The following TRIOBP variants were observed in gnomAD, a reference collection of about 807,000 sequenced individuals.
The protein encoded by TRIOBP is TRIO and F-actin-binding protein.
Under a neutral mutation model 238.8 loss-of-function variants are expected in TRIOBP, and 169 were observed. That is an observed-to-expected ratio of 0.71 (90% confidence interval 0.62 to 0.80). TRIOBP has a LOEUF of 0.80. Ranked by LOEUF, TRIOBP falls within the 30% of genes least tolerant of loss-of-function variation. The pLI is 0.00. For synonymous variants in TRIOBP, 1,150 were observed against 1,274.4 expected, an observed-to-expected ratio of 0.90 and a Z score of 2.08; for missense variants, 2,838 against 3,122.6, an observed-to-expected ratio of 0.91 and a Z score of 2.17.
intron 3 of TRIOBP, among the ~76,000 whole-genome samples, chr22:37,704,775 C>G (rs1220470137): frequency 6.6e-6 from 1 of 151,730 alleles, no homozygotes; most frequent in Non-Finnish European, 1.5e-5. Flanking sequence ...CAGCCTGGCA[C>G]GGCAGCTCAC....
chr22:37,765,279 C>G (rs1926426319), intron 17 of TRIOBP, among the ~76,000 whole-genome samples: 1 of 149,332 alleles, frequency 6.7e-6, no homozygotes, highest in South Asian at 2.1e-4. Flanking sequence ...AACTCTGTCT[C>G]AAAAACAAAA....
In TRIOBP at chr22:37,773,975, TACACACGGATAC is replaced by T. The variant is rs1352917409; in HGVS notation, c.*202_*213del. The stretch of plus-strand genomic sequence containing the variant: ...ACATACGCACACACGTGCACACATG[TACACACGGATAC>T]ACACACACACACACACACTGCATAT... On this transcript the variant is annotated 3_prime_UTR_variant, in exon 24 of 24. Transcript: ENST00000644935. The T allele has an allele frequency of 1.2e-4, 5 of 41,096 alleles. No homozygotes were observed. The allele number at this position is 41,096 out of a possible 1,614,324, so 2.5% of individuals were successfully genotyped here. A position where few individuals can be genotyped will look rare whatever the true frequency, so the allele number is the denominator to read the frequency against.
intron 16 of TRIOBP, among the ~76,000 whole-genome samples, 178 bp downstream of exon 16, chr22:37,758,316 A>C (rs1300457142): frequency 6.6e-6 from 1 of 152,176 alleles, no homozygotes; most frequent in East Asian, 1.9e-4. Flanking sequence ...AGACCTTAGT[A>C]GTTTGGTTTG....
chr22:37,749,770 G>A (rs1925481699), intron 11 of TRIOBP, among the ~76,000 whole-genome samples: 1 of 124,274 alleles, frequency 8.0e-6, no homozygotes. Flanking sequence ...AACATAGGGA[G>A]ACCCCATCTC....
chr22:37,703,438 C>T (rs1922763274), intron 3 of TRIOBP, among the ~76,000 whole-genome samples: 2 of 151,992 alleles, frequency 1.3e-5, no homozygotes, highest in Non-Finnish European at 2.9e-5. Context: ...ACTCACGAAC[C>T]TCCGAGGGCC....
intron 18 of TRIOBP, among the ~76,000 whole-genome samples, chr22:37,767,744 T>G (rs1926573611): frequency 6.6e-6 from 1 of 151,970 alleles, no homozygotes; most frequent in African/African-American, 2.4e-5. Context: ...TACCTGGAAA[T>G]CACTAGAACA....
At chr22:37,764,279 CCTACCTTTT>C (rs1926380262) in intron 17 of TRIOBP, among the ~76,000 whole-genome samples, 1 of 152,206 alleles carries the variant, frequency 6.6e-6, no homozygotes, top group South Asian at 2.1e-4. Flanking sequence ...CAATATCCTC[CCTACCTTTT>C]CTGTGTTTTC....
At chr22:37,728,918 C>CA (rs1569043969) in intron 7 of TRIOBP, among the ~76,000 whole-genome samples, 1 of 149,864 alleles carries the variant, frequency 6.7e-6, no homozygotes, top group East Asian at 1.9e-4. Context: ...GTGTCTTTAA[C>CA]TTTTTTTTTT....
Position 37,758,493 on chromosome 22 carries a change from G to A in TRIOBP, c.6213+355G>A, listed in dbSNP as rs114752428. ...AGTTTGAGACCAGTCTGTGCGACAT[G>A]GCAAAACCCCATGTCTACAAAAAAA... On this transcript the variant is annotated intron_variant, in intron 16 of 23. Transcript: ENST00000644935. Among the ~76,000 whole-genome samples, 427 of 152,220 alleles carry A rather than the reference G, an allele frequency of 2.8e-3. 4 individuals are homozygous for A. The highest frequency in any genetic ancestry group is 1.0e-2 in the African/African-American group (414 of 41,532).
intron 2 of TRIOBP, among the ~76,000 whole-genome samples, chr22:37,698,497 G>T (rs915430415): frequency 6.6e-6 from 1 of 150,502 alleles, no homozygotes; most frequent in African/African-American, 2.4e-5. Context: ...GGGATTACAG[G>T]CATGCGCACC....
At position 37,771,695 on chromosome 22, in the gene TRIOBP, G is replaced by A. The variant is rs1351316581; in HGVS notation, c.6895G>A (p.Glu2299Lys). 6.2e-7 allele frequency: 1 copy of A among 1,614,164 alleles called. No individual in the cohort carries two copies. The highest frequency in any genetic ancestry group is 2.2e-5 in the East Asian group (1 of 44,868). The part of the protein sequence containing the change: ...KENELQYLKK[E>K]VQCLRDELQM... ...AAACGAACTCCAGTACCTAAAGAAGGAGGTGCAGTGCCTCCGGGACGAGCT... is the reference window on the plus strand; with the variant it reads ...AAACGAACTCCAGTACCTAAAGAAGAAGGTGCAGTGCCTCCGGGACGAGCT... The change falls in exon 22 of 24, where the codon GAG (glutamate) becomes AAG (lysine). Residue 2299 changes from glutamate (E) to lysine (K), a missense_variant. Around this residue, in one of 5 missense-constraint regions of TRIOBP, gnomAD observed 2,096 missense variants for 2,137.4 expected, o/e 0.98. Transcript: ENST00000644935.
chr22:37,726,550 G>A (rs1033238190), intron 7 of TRIOBP, 47 bp downstream of exon 7: 22 of 1,426,590 alleles, frequency 1.5e-5, no homozygotes, highest in Non-Finnish European at 1.8e-5. Context: ...GAGGAGGCTC[G>A]GCAGCAGGAC....
At chr22:37,765,176 G>A (rs539464817) in intron 17 of TRIOBP, among the ~76,000 whole-genome samples, 8 of 152,270 alleles carry the variant, frequency 5.3e-5, no homozygotes, top group African/African-American at 1.2e-4. Flanking sequence ...AGCTACTCAC[G>A]AGGCTGAGGC....
chr22:37,746,271 G>T (rs2145855094), intron 11 of TRIOBP: 1 of 1,088,046 alleles, frequency 9.2e-7, no homozygotes, highest in Non-Finnish European at 1.1e-6. Flanking sequence ...GCAGCGTCGG[G>T]GAAAGGAAGG....
intron 10 of TRIOBP, among the ~76,000 whole-genome samples, chr22:37,740,002 T>TA (rs1206228729): frequency 6.6e-6 from 1 of 152,168 alleles, no homozygotes; most frequent in Non-Finnish European, 1.5e-5. Flanking sequence ...GTGAGCACCT[T>TA]CTGTATACCC....
intron 12 of TRIOBP, among the ~76,000 whole-genome samples, chr22:37,754,038 C>G (rs888426588): frequency 3.9e-5 from 6 of 152,158 alleles, no homozygotes; most frequent in Non-Finnish European, 7.3e-5. Flanking sequence ...AGGAAGGCAC[C>G]CAATCACAAA....
At position 37,711,593 on chromosome 22, in the gene TRIOBP, CAACAAAAA is replaced by C. The variant is rs1569034693; in HGVS notation, c.254+1030_254+1037del. On this transcript the variant is annotated intron_variant, in intron 4 of 23. Coordinates refer to ENST00000644935, the MANE Select transcript of TRIOBP (RefSeq NM_001039141.3). ...GGCTCCGTCTCAAAAAAAAAAAAAA[CAACAAAAA>C]AAAAAAACAAAAAAAAACCCACAAA... 3.7e-3 allele frequency among the ~76,000 whole-genome samples: 89 copies of C among 24,208 alleles called. 1 individual carries two copies. In the Middle Eastern group the frequency reaches 0.067, roughly 18 times the overall value. The allele number at this position is 24,208 out of a possible 152,430, so 15.9% of individuals were successfully genotyped here.
intron 12 of TRIOBP, among the ~76,000 whole-genome samples, chr22:37,752,974 T>C (rs1925703081): frequency 6.6e-6 from 1 of 152,214 alleles, no homozygotes; most frequent in African/African-American, 2.4e-5. Context: ...CTGAGGCCCA[T>C]GGAGCTCCAC....
intron 23 of TRIOBP, among the ~76,000 whole-genome samples, chr22:37,773,359 C>T (rs977247743): frequency 1.3e-5 from 2 of 152,128 alleles, no homozygotes; most frequent in African/African-American, 4.8e-5. Flanking sequence ...GCTGGGACCA[C>T]AGGCCCTCAC....
Sources: gnomAD v4.1 joint callset for allele counts (sites outside exome capture counted in the v4.1 genomes callset) on GRCh38, gnomAD v4.1.1 for gene constraint, gnomAD v4.1.1 regional missense constraint, MANE v1.5 for transcripts, NCBI Gene and HGNC (gene_info 2026-07-23, HGNC 2026-07-21) for gene names.